DGKI: variants seen among roughly 807,000 people sequenced by gnomAD.
The protein encoded by DGKI is diacylglycerol kinase iota.
In DGKI, 55 loss-of-function variants were observed where a neutral mutation model predicts 147.5. The observed-to-expected ratio is 0.37, with a 90% CI of 0.30 to 0.47. DGKI has a LOEUF of 0.47. DGKI is among the 20% of genes least tolerant of loss of function. The pLI is 1.00. For synonymous variants in DGKI, 469 were observed against 477.1 expected (o/e 0.98, Z 0.22); for missense variants, 1,007 against 1,323.8 (o/e 0.76, Z 3.71).
chr7:137,405,148 G>A (rs1017909924), intron 30 of DGKI, among the ~76,000 whole-genome samples: 1 of 152,132 alleles, frequency 6.6e-6, no homozygotes, highest in African/African-American at 2.4e-5. Flanking sequence ...TGTCCCTGGG[G>A]CAACTCAGAT....
intron 29 of DGKI, among the ~76,000 whole-genome samples, chr7:137,408,767 A>G (rs1812056733): frequency 6.6e-6 from 1 of 152,194 alleles, no homozygotes; most frequent in African/African-American, 2.4e-5. Context: ...CTACATGAGG[A>G]TATGGTCTAA....
rs182117364 is a variant in DGKI, at chr7:137,570,613, G to A, written c.1947+562C>T. On this transcript the variant is annotated intron_variant, in intron 19 of 32. Transcript: ENST00000614521. ...GTGTAATTTTTTTTTTTTTTTTTGA[G>A]ATGCAGTTTCACTCGTCACCCAGGC... 2.8e-3 allele frequency among the ~76,000 whole-genome samples: 403 copies of A among 144,810 alleles called. 2 individuals carry two copies. Among genetic ancestry groups the A allele is most frequent in the African/African-American group, 0.01 (391 of 38,838 alleles).
At chr7:137,486,172 A>C (rs1018699088) in intron 22 of DGKI, among the ~76,000 whole-genome samples, 1 of 151,856 alleles carries the variant, frequency 6.6e-6, no homozygotes, top group Non-Finnish European at 1.5e-5. Context: ...AGTTTTAAAA[A>C]TTTTTCCTCT....
intron 1 of DGKI, among the ~76,000 whole-genome samples, chr7:137,696,625 A>G (rs1407677241): frequency 1.3e-5 from 2 of 151,930 alleles, no homozygotes; most frequent in African/African-American, 4.8e-5. Context: ...CTCATTTTAA[A>G]ACATGGTAAG....
chr7:137,678,044 T>A (rs1293964543), intron 3 of DGKI, among the ~76,000 whole-genome samples: 1 of 152,188 alleles, frequency 6.6e-6, no homozygotes, highest in East Asian at 1.9e-4. Flanking sequence ...GACTGTTGAT[T>A]GTTTATATTA....
At chr7:137,585,868 T>C (rs181517876) in intron 13 of DGKI, among the ~76,000 whole-genome samples, 3 of 152,302 alleles carry the variant, frequency 2.0e-5, no homozygotes, top group African/African-American at 7.2e-5. Flanking sequence ...GTTAGGGAGC[T>C]ACTTAATCCT....
intron 6 of DGKI, among the ~76,000 whole-genome samples, chr7:137,629,356 T>A (rs1821052026): frequency 2.0e-5 from 3 of 152,202 alleles, no homozygotes; most frequent in African/African-American, 7.2e-5. Context: ...GGACCACATA[T>A]AAAGGTATTC....
At chr7:137,516,356 C>T (rs1212775856) in intron 21 of DGKI, among the ~76,000 whole-genome samples, 1 of 152,080 alleles carries the variant, frequency 6.6e-6, no homozygotes, top group Non-Finnish European at 1.5e-5. Flanking sequence ...TTAACTACTG[C>T]ATTTAACAGA....
intron 21 of DGKI, among the ~76,000 whole-genome samples, chr7:137,507,939 C>T (rs1425714869): frequency 2.6e-5 from 4 of 152,020 alleles, no homozygotes; most frequent in Non-Finnish European, 5.9e-5. Flanking sequence ...GTTTTTGAGA[C>T]AAAAGGAAAT....
intron 27 of DGKI, among the ~76,000 whole-genome samples, chr7:137,458,176 T>C (rs1356871650): frequency 6.6e-6 from 1 of 152,196 alleles, no homozygotes; most frequent in African/African-American, 2.4e-5. Context: ...TTTCTTAGGG[T>C]AATCACAATG....
At chr7:137,512,428 T>C (rs1191916575) in intron 21 of DGKI, among the ~76,000 whole-genome samples, 1 of 152,176 alleles carries the variant, frequency 6.6e-6, no homozygotes, top group African/African-American at 2.4e-5. Context: ...ATGAAAGTAA[T>C]AATTTTATAC....
intron 23 of DGKI, among the ~76,000 whole-genome samples, chr7:137,472,583 A>G (rs1234641871): frequency 6.7e-6 from 1 of 150,332 alleles, no homozygotes; most frequent in Non-Finnish European, 1.5e-5. Flanking sequence ...AACTATTTAT[A>G]TGAGAATTAT....
chr7:137,643,290 CAAAAAAAAAAAAAA>C lies in DGKI; in HGVS notation c.804+2168_804+2181del, dbSNP rs10541603. On this transcript the variant is annotated intron_variant, in intron 6 of 32. Coordinates refer to ENST00000614521, the MANE Select transcript of DGKI (RefSeq NM_001321708.2). ...TGGGAGACACAGCGAGACTCCGTCT[CAAAAAAAAAAAAAA>C]AAAAAAAAAAAAGTCTATGAATATG... Among the ~76,000 whole-genome samples the C allele has an allele frequency of 4.9e-5, 3 of 61,656 alleles. 1 individual carries two copies. Among genetic ancestry groups the C allele is most frequent in the Admixed American group, 2.9e-4 (1 of 3,492 alleles). 40.4% of individuals were successfully genotyped at this position (61,656 alleles called of 152,430 possible).
intron 21 of DGKI, among the ~76,000 whole-genome samples, chr7:137,489,291 G>A (rs1433817695): frequency 6.6e-6 from 1 of 152,174 alleles, no homozygotes; most frequent in Non-Finnish European, 1.5e-5. Flanking sequence ...GAGAAAGTCT[G>A]TCTTTCAGGT....
chr7:137,809,330 A>G (rs1439943537), intron 1 of DGKI, among the ~76,000 whole-genome samples: 1 of 152,214 alleles, frequency 6.6e-6, no homozygotes, highest in Non-Finnish European at 1.5e-5. Flanking sequence ...GTTCTAATTT[A>G]ATAGTGTAAT....
chr7:137,551,112 A>C (rs900249167), intron 20 of DGKI, among the ~76,000 whole-genome samples: 7 of 152,214 alleles, frequency 4.6e-5, no homozygotes, highest in Non-Finnish European at 1.0e-4. Flanking sequence ...TGTAACTAAA[A>C]AACACCTCTG....
chr7:137,540,003 C>CTATG (rs1460536705), intron 20 of DGKI, among the ~76,000 whole-genome samples: 19 of 152,152 alleles, frequency 1.2e-4, no homozygotes, highest in Admixed American at 3.9e-4. Context: ...ACCAATTCCT[C>CTATG]AAATACTTCG....
intron 1 of DGKI, among the ~76,000 whole-genome samples, chr7:137,797,434 C>G (rs945930245): frequency 1.3e-5 from 2 of 152,068 alleles, no homozygotes; most frequent in African/African-American, 4.8e-5. Context: ...TATAATTCTT[C>G]TATCAGATTT....
Position 137,578,331 on chromosome 7 carries a change from A to G in DGKI, c.1643-6T>C. ...GAATTTCTCTGGATTTGCTTCTGTGAAAGAGGAAAAGTAGTTTTGTTATGG... is the reference window on the plus strand; with the variant it reads ...GAATTTCTCTGGATTTGCTTCTGTGGAAGAGGAAAAGTAGTTTTGTTATGG... On this transcript the variant is annotated splice_region_variant and splice_polypyrimidine_tract_variant and intron_variant, in intron 15 of 32. Transcript: ENST00000614521. The G allele has an allele frequency of 6.2e-7, 1 of 1,612,798 alleles. No individual in the cohort carries two copies.
Sources: allele counts gnomAD v4.1 joint callset (sites outside exome capture counted in the v4.1 genomes callset), GRCh38; gene constraint gnomAD v4.1.1; transcripts MANE v1.5; gene names NCBI Gene and HGNC (gene_info 2026-07-23, HGNC 2026-07-21).